Variants in APBB2 observed in about 807,000 individuals in gnomAD.
APBB2 encodes Fe65-like 1.
In APBB2, 38 loss-of-function variants were observed where a neutral mutation model predicts 82.5. The observed-to-expected ratio is 0.46, with a 90% CI of 0.36 to 0.60. The LOEUF is 0.60. Among genes scored for constraint, APBB2 ranks in the 20% least tolerant of loss-of-function variants. The probability of loss-of-function intolerance (pLI) is 0.00; values close to 1 mark genes in which losing one functional copy is unlikely to be tolerated. For missense variants in APBB2, 772 were observed against 972.3 expected, an observed-to-expected ratio of 0.79 and a Z score of 2.74; for synonymous variants, 341 against 368.2, an observed-to-expected ratio of 0.93 and a Z score of 0.85.
intron 2 of APBB2, among the ~76,000 whole-genome samples, chr4:41,105,885 CAAAA>C (rs34109241): frequency 2.6e-5 from 3 of 114,532 alleles, no homozygotes; most frequent in African/African-American, 3.4e-5. Context: ...GACCCCGTCT[CAAAA>C]AAAAAAAAAA....
At chr4:40,918,484 T>G (rs377620650) in intron 10 of APBB2, among the ~76,000 whole-genome samples, 2 of 152,242 alleles carry the variant, frequency 1.3e-5, no homozygotes, top group South Asian at 2.1e-4. Flanking sequence ...AGCCTATCTC[T>G]TGGACAGTAA....
At chr4:41,183,743 A>G (rs1425782043) in intron 1 of APBB2, among the ~76,000 whole-genome samples, 1 of 142,852 alleles carries the variant, frequency 7.0e-6, no homozygotes, top group Admixed American at 7.3e-5. Context: ...TAAAACAATA[A>G]TTTGTGTTGT....
intron 6 of APBB2, among the ~76,000 whole-genome samples, chr4:40,964,763 C>CACACACACACACACACACAT (rs1362732280): frequency 6.6e-6 from 1 of 151,888 alleles, no homozygotes; most frequent in Non-Finnish European, 1.5e-5. Context: ...AACACACACA[C>CACACACACACACACACACAT]ACACACACAC....
intron 13 of APBB2, among the ~76,000 whole-genome samples, chr4:40,829,583 G>A (rs1751162674): frequency 6.6e-6 from 1 of 152,070 alleles, no homozygotes; most frequent in Admixed American, 6.5e-5. Context: ...GGAAGATTTC[G>A]GGTCAACATA....
intron 1 of APBB2, among the ~76,000 whole-genome samples, chr4:41,164,260 C>T (rs554356911): frequency 2.0e-5 from 3 of 152,164 alleles, no homozygotes; most frequent in African/African-American, 4.8e-5. Flanking sequence ...TTCCCTCTTG[C>T]GGCATCACAA....
At chr4:40,828,816 C>A (rs980736564) in intron 13 of APBB2, among the ~76,000 whole-genome samples, 7 of 152,206 alleles carry the variant, frequency 4.6e-5, no homozygotes, top group African/African-American at 1.7e-4. Flanking sequence ...ACGTCCCCAT[C>A]GTGGGATTCA....
At chr4:40,871,823 T>C (rs1324505600) in intron 12 of APBB2, among the ~76,000 whole-genome samples, 1 of 152,232 alleles carries the variant, frequency 6.6e-6, no homozygotes, top group Non-Finnish European at 1.5e-5. Context: ...GATAACATCA[T>C]GTTGAAGCAC....
rs1293294888 is a variant in APBB2, at chr4:41,013,604, G to A, written c.814C>T (p.Pro272Ser). The change falls in exon 6 of 18, where the codon CCC becomes TCC. Residue 272 changes from proline (P) to serine (S), a missense_variant. Pro to Ser is a moderately conservative substitution (Grantham distance 74). Transcript: ENST00000508593. ...GTACCTGTTTCATCCGGGGAGCTGG[G>A]TGAGGCACTGTCTTGGGACAACGTT... ...WTTLSQDSAS[P>S]SSPDETADIW... is the part of the protein sequence containing the mutation. 6.2e-7 allele frequency: 1 copy of A among 1,614,088 alleles called. No individual in the cohort carries two copies. The highest frequency in any genetic ancestry group is 2.2e-5 in the East Asian group (1 of 44,884).
At chr4:41,128,144 C>T (rs1271487385) in intron 2 of APBB2, among the ~76,000 whole-genome samples, 2 of 152,010 alleles carry the variant, frequency 1.3e-5, no homozygotes, top group African/African-American at 4.8e-5. Context: ...GACATATAAG[C>T]AGCCAACAAA....
At chr4:41,100,857 G>A (rs972314411) in intron 2 of APBB2, 107 bp from the exon 3 acceptor site, 4 of 152,156 alleles carry the variant, frequency 2.6e-5, no homozygotes, top group Non-Finnish European at 5.9e-5. Flanking sequence ...ACAAAATAAC[G>A]ATGTCATTGG....
At chr4:41,027,780 C>A (rs1715048303) in intron 5 of APBB2, among the ~76,000 whole-genome samples, 1 of 152,112 alleles carries the variant, frequency 6.6e-6, no homozygotes, top group South Asian at 2.1e-4. Context: ...GAATGAATAA[C>A]CAAAATGCCA....
At chr4:41,066,379 T>C (rs1731817800) in intron 3 of APBB2, among the ~76,000 whole-genome samples, 1 of 152,198 alleles carries the variant, frequency 6.6e-6, no homozygotes, top group Non-Finnish European at 1.5e-5. Flanking sequence ...AAAAAACATA[T>C]GCAGAACACC....
intron 2 of APBB2, among the ~76,000 whole-genome samples, chr4:41,106,168 A>G (rs1336071975): frequency 6.6e-6 from 1 of 152,202 alleles, no homozygotes; most frequent in African/African-American, 2.4e-5. Flanking sequence ...AAAAAGGGTA[A>G]CCAATTTTCA....
intron 8 of APBB2, 149 bp from the exon 9 acceptor site, chr4:40,934,848 C>T: frequency 1.4e-6 from 1 of 692,752 alleles, no homozygotes; most frequent in Non-Finnish European, 2.5e-6. Context: ...CTGTTGAATG[C>T]TGACTGGTGC....
At chr4:41,102,378 T>G (rs1745766194) in intron 2 of APBB2, among the ~76,000 whole-genome samples, 1 of 152,210 alleles carries the variant, frequency 6.6e-6, no homozygotes, top group South Asian at 2.1e-4. Context: ...CTACTTCAGA[T>G]AGGGACAAGC....
chr4:40,831,672 T>C (rs1193911670), intron 12 of APBB2, among the ~76,000 whole-genome samples: 1 of 152,100 alleles, frequency 6.6e-6, no homozygotes, highest in Non-Finnish European at 1.5e-5. Context: ...ACTGAGAAAG[T>C]TGAAGGGCAA....
At chr4:41,030,774 C>T (rs1423401531) in intron 5 of APBB2, among the ~76,000 whole-genome samples, 1 of 151,976 alleles carries the variant, frequency 6.6e-6, no homozygotes, top group Non-Finnish European at 1.5e-5. Context: ...AGCTGGGCCC[C>T]AAATCCATTC....
chr4:41,198,030 A>G, intron 1 of APBB2, among the ~76,000 whole-genome samples: 1 of 152,208 alleles, frequency 6.6e-6, no homozygotes, highest in African/African-American at 2.4e-5. Flanking sequence ...AACCCTACTG[A>G]GAAAGGCGCT....
chr4:41,115,690 T>C (rs1452695304), intron 2 of APBB2, among the ~76,000 whole-genome samples: 1 of 152,206 alleles, frequency 6.6e-6, no homozygotes, highest in African/African-American at 2.4e-5. Context: ...AAAACATTTA[T>C]GCAGCCAACA....
Sources: allele counts gnomAD v4.1 joint callset (sites outside exome capture counted in the v4.1 genomes callset), GRCh38; gene constraint gnomAD v4.1.1; transcripts MANE v1.5; gene names NCBI Gene and HGNC (gene_info 2026-07-23, HGNC 2026-07-21).